ZNF420: variants seen among roughly 807,000 people sequenced by gnomAD.
ZNF420 encodes zinc finger protein 420, also known as ATM and p53-associated KZNF protein.
In ZNF420, 31 loss-of-function variants were observed where a neutral mutation model predicts 44.7. That is an observed-to-expected ratio of 0.69 (90% confidence interval 0.52 to 0.94). ZNF420 has a LOEUF of 0.94. Among genes scored for constraint, ZNF420 ranks in the 40% least tolerant of loss-of-function variants. The probability of loss-of-function intolerance (pLI) is 0.00; values close to 1 mark genes in which losing one functional copy is unlikely to be tolerated. For synonymous variants in ZNF420, 245 were observed against 267.4 expected, an observed-to-expected ratio of 0.92 and a Z score of 0.82; for missense variants, 681 against 827.9, an observed-to-expected ratio of 0.82 and a Z score of 2.18.
At position 37,072,152 on chromosome 19, in the gene ZNF420, C is replaced by CT. The variant is rs533921049; in HGVS notation, c.-124-8187dup. Among the ~76,000 whole-genome samples the CT allele has an allele frequency of 9.9e-5, 15 of 152,246 alleles. No homozygotes were observed. The South Asian group carries it at 3.1e-3, about 32-fold the overall frequency. On this transcript the variant is annotated intron_variant, in intron 1 of 4. Coordinates refer to the ZNF420 transcript ENST00000587029. ...CTCCCTCACCAAGACTCTTTCATTTCTTTTTTAACCATATCTTTCTTTCCC... is the reference window on the plus strand; with the variant it reads ...CTCCCTCACCAAGACTCTTTCATTTCTTTTTTTAACCATATCTTTCTTTCCC...
chr19:37,020,228 A>G (rs894287398), intron 1 of ZNF420, among the ~76,000 whole-genome samples: 1 of 151,870 alleles, frequency 6.6e-6, no homozygotes, highest in Middle Eastern at 3.2e-3. Context: ...AAAAAAAAAA[A>G]AAAAAAAAAA....
At chr19:37,118,732 G>C (rs370366916) in intron 4 of ZNF420, among the ~76,000 whole-genome samples, 2 of 151,480 alleles carry the variant, frequency 1.3e-5, no homozygotes, top group Non-Finnish European at 2.9e-5. Context: ...CCCATCTCAC[G>C]TGCAGAGACA....
intron 1 of ZNF420, among the ~76,000 whole-genome samples, chr19:37,022,253 ATATT>A (rs2074655650): frequency 6.6e-6 from 1 of 151,640 alleles, no homozygotes; most frequent in African/African-American, 2.4e-5. Context: ...ACTTTTCTAT[ATATT>A]TAAACTTAAA....
intron 1 of ZNF420, among the ~76,000 whole-genome samples, chr19:37,028,273 A>T (rs1967189648): frequency 6.6e-6 from 1 of 152,172 alleles, no homozygotes; most frequent in Non-Finnish European, 1.5e-5. Context: ...TGCTGTGATG[A>T]TAGGAAGCTG....
At chr19:37,095,041 G>T (rs1374152779) in intron 4 of ZNF420, among the ~76,000 whole-genome samples, 2 of 150,830 alleles carry the variant, frequency 1.3e-5, no homozygotes, top group Non-Finnish European at 2.9e-5. Context: ...TGAGGCAGGA[G>T]AATCGCTTGA....
rs371093584 is a variant in ZNF420 at position 37,071,175 on chromosome 19, A to C, written c.-124-9170A>C. On this transcript the variant is annotated intron_variant, in intron 1 of 4. Coordinates refer to the ZNF420 transcript ENST00000587029. Reference sequence around the variant, plus strand: ...GAACTATAAATTCAAACTTTGAAGCAACTCACATTTCTATCAACTGAGAAT... The same window carrying C: ...GAACTATAAATTCAAACTTTGAAGCCACTCACATTTCTATCAACTGAGAAT... Among the ~76,000 whole-genome samples, 7 of 152,340 alleles carry C rather than the reference A, an allele frequency of 4.6e-5. No individual in the cohort carries two copies. The East Asian group carries it at 1.2e-3, about 25-fold the overall frequency.
At chr19:37,066,454 A>C (rs1448137317) in intron 1 of ZNF420, among the ~76,000 whole-genome samples, 1 of 151,922 alleles carries the variant, frequency 6.6e-6, no homozygotes, top group African/African-American at 2.4e-5. Context: ...AAGAACTTCT[A>C]TAACTCAACA....
chr19:37,034,561 A>G (rs1017189020), intron 1 of ZNF420, among the ~76,000 whole-genome samples: 5 of 152,134 alleles, frequency 3.3e-5, no homozygotes, highest in African/African-American at 1.2e-4. Flanking sequence ...TTTAGTTTAC[A>G]GTTATAAATA....
At chr19:37,053,278 G>A (rs1426095396) in intron 1 of ZNF420, among the ~76,000 whole-genome samples, 5 of 152,024 alleles carry the variant, frequency 3.3e-5, no homozygotes, top group African/African-American at 4.8e-5. Flanking sequence ...TTTTTTCAAC[G>A]TTTTTAACCT....
At chr19:37,072,471 T>C (rs1271311394) in intron 1 of ZNF420, among the ~76,000 whole-genome samples, 1 of 152,142 alleles carries the variant, frequency 6.6e-6, no homozygotes. Flanking sequence ...AAATTTTAAT[T>C]TGGGGGAGAA....
chr19:37,100,372 T>A (rs1969699577), intron 4 of ZNF420, among the ~76,000 whole-genome samples: 1 of 152,172 alleles, frequency 6.6e-6, no homozygotes, highest in African/African-American at 2.4e-5. Flanking sequence ...GTAGTATATT[T>A]TCAAGTCATG....
At chr19:37,088,242 A>C (rs1199265277) in intron 2 of ZNF420, among the ~76,000 whole-genome samples, 1 of 152,228 alleles carries the variant, frequency 6.6e-6, no homozygotes, top group Non-Finnish European at 1.5e-5. Flanking sequence ...CAAAATTGAG[A>C]ACCATACCTG....
intron 1 of ZNF420, among the ~76,000 whole-genome samples, chr19:37,051,299 C>T (rs1230809414): frequency 2.6e-5 from 4 of 152,138 alleles, no homozygotes; most frequent in Admixed American, 2.6e-4. Context: ...GGAATGGTAC[C>T]AGCTCCTCCT....
At chr19:37,049,730 A>G (rs1599616964) in intron 1 of ZNF420, among the ~76,000 whole-genome samples, 1 of 152,124 alleles carries the variant, frequency 6.6e-6, no homozygotes, top group African/African-American at 2.4e-5. Context: ...ATTAGGTCCC[A>G]TTTGTCAATT....
chr19:37,097,480 A>G (rs137925524), intron 4 of ZNF420, among the ~76,000 whole-genome samples: 150 of 152,306 alleles, frequency 9.8e-4, no homozygotes, highest in African/African-American at 3.5e-3. Context: ...CTGTAGCGGA[A>G]TTTGAAAACA....
At chr19:37,091,156 C>A in intron 4 of ZNF420, 35 bp downstream of exon 4, 1 of 1,493,754 alleles carries the variant, frequency 6.7e-7, no homozygotes, top group Non-Finnish European at 8.9e-7. Flanking sequence ...CAGGATCTAC[C>A]TTTGGATTGG....
chr19:37,035,127 A>G (rs576736637), intron 1 of ZNF420, among the ~76,000 whole-genome samples: 1 of 152,328 alleles, frequency 6.6e-6, no homozygotes, highest in South Asian at 2.1e-4. Context: ...GGCCAGCTGA[A>G]TATTAGCTGT....
exon 1 of ZNF420, chr19:37,007,932 G>A (rs1322511203): frequency 1.9e-5 from 3 of 159,664 alleles, no homozygotes; most frequent in East Asian, 1.9e-4. Context: ...CCGAGGCTCC[G>A]GCCTCACCTC....
chr19:37,107,567 A>G (rs896887426), intron 4 of ZNF420: 1 of 152,100 alleles, frequency 6.6e-6, no homozygotes, highest in Non-Finnish European at 1.5e-5. Context: ...TTATTTCTGC[A>G]TAGACACGGT....
Sources: gnomAD v4.1 joint callset for allele counts (sites outside exome capture counted in the v4.1 genomes callset) on GRCh38, gnomAD v4.1.1 for gene constraint, MANE v1.5 for transcripts, NCBI Gene and HGNC (gene_info 2026-07-23, HGNC 2026-07-21) for gene names.